ZNF791: variants seen among roughly 807,000 people sequenced by gnomAD.
ZNF791 encodes zinc finger protein 791.
In ZNF791, 4 loss-of-function variants were observed where a neutral mutation model predicts 11.5. That is an observed-to-expected ratio of 0.35 (90% CI 0.17 to 0.80). ZNF791 has a LOEUF of 0.80. Ranked by LOEUF, ZNF791 falls within the 30% of genes least tolerant of loss-of-function variation. The pLI is 0.53. For missense variants in ZNF791, 559 were observed against 699.4 expected, an observed-to-expected ratio of 0.80 and a Z score of 2.26; for synonymous variants, 212 against 228.1, an observed-to-expected ratio of 0.93 and a Z score of 0.64.
At chr19:12,626,049 G>C (rs536253120) in intron 3 of ZNF791, among the ~76,000 whole-genome samples, 3 of 151,814 alleles carry the variant, frequency 2.0e-5, no homozygotes, top group African/African-American at 7.3e-5. Context: ...ACGGAGTCTC[G>C]CTCTGTCACC....
At position 12,610,928 on chromosome 19, in the gene ZNF791, G is replaced by A; in HGVS notation, c.-152G>A. On this transcript the variant is annotated 5_prime_UTR_variant, in exon 1 of 4. Coordinates refer to ENST00000343325, the MANE Select transcript of ZNF791 (RefSeq NM_153358.3). Reference sequence around the variant, plus strand: ...GTACGGCTACGCTGCGCAAATGCGTGCTACGTCACTGTGCGATCGGGTTGT... The same window carrying A: ...GTACGGCTACGCTGCGCAAATGCGTACTACGTCACTGTGCGATCGGGTTGT... 1.8e-6 allele frequency: 2 copies of A among 1,108,384 alleles called. No homozygotes were observed. The highest frequency in any genetic ancestry group is 1.3e-5 in the South Asian group (1 of 74,476). 68.7% of individuals were successfully genotyped at this position (1,108,384 alleles called of 1,614,324 possible).
chr19:12,622,548 C>G (rs2023370046), intron 1 of ZNF791, among the ~76,000 whole-genome samples: 1 of 151,568 alleles, frequency 6.6e-6, no homozygotes, highest in African/African-American at 2.4e-5. Context: ...CTTTGGGAGG[C>G]CGGGGCAGGA....
intron 2 of ZNF791, 146 bp from the exon 3 acceptor site, chr19:12,624,504 A>G (rs2023398933): frequency 1.7e-6 from 1 of 599,190 alleles, no homozygotes; most frequent in African/African-American, 1.9e-5. Context: ...CTTGCTCATA[A>G]TCACTGTTCC....
intron 2 of ZNF791, 44 bp downstream of exon 2, chr19:12,623,870 TG>T (rs767345076): frequency 1.7e-5 from 12 of 715,322 alleles, no homozygotes; most frequent in South Asian, 6.3e-5. Context: ...TTTTTTTTTT[TG>T]GGGGGGGACA....
At position 12,620,529 on chromosome 19, in the gene ZNF791, C is replaced by T. The variant is rs78179633; in HGVS notation, c.4-3171C>T. 2.7e-3 allele frequency among the ~76,000 whole-genome samples: 417 copies of T among 152,096 alleles called. 1 individual carries two copies. The highest frequency in any genetic ancestry group is 9.6e-3 in the African/African-American group (397 of 41,494). On this transcript the variant is annotated intron_variant, in intron 1 of 3. Coordinates refer to ENST00000343325, the MANE Select transcript of ZNF791 (RefSeq NM_153358.3). The stretch of plus-strand genomic sequence containing the variant: ...TGTAAATAAACCTTACAGAGAGCAC[C>T]CAGGCATGCAGATGGACTTGTCACG...
chr19:12,618,513 A>G (rs935107622), intron 1 of ZNF791, among the ~76,000 whole-genome samples: 41 of 151,896 alleles, frequency 2.7e-4, no homozygotes, highest in Non-Finnish European at 4.0e-4. Context: ...CGTCTCAAAA[A>G]TAAAATAAAG....
In ZNF791 at chr19:12,624,707, T is replaced by C; in HGVS notation, c.188T>C (p.Leu63Pro). The C allele has an allele frequency of 1.6e-5, 26 of 1,605,500 alleles. No individual in the cohort carries two copies. The highest frequency in any genetic ancestry group is 2.2e-5 in the Non-Finnish European group (26 of 1,175,444). Residue 63 changes from leucine to proline, a missense_variant, in exon 3 of 4, where the codon CTA becomes CCA. Leu to Pro is a moderately conservative substitution (Grantham distance 98, BLOSUM62 -3). Coordinates refer to ENST00000343325, the MANE Select transcript of ZNF791 (RefSeq NM_153358.3). ...EDQHKNQGRN[L>P]RSHTGERLCE... ...CAACACAAAAACCAAGGACGAAATC[T>C]AAGGTGAGTTGCACTCACAAGAAGT...
At chr19:12,625,163 C>T (rs2023407675) in intron 3 of ZNF791, among the ~76,000 whole-genome samples, 1 of 151,840 alleles carries the variant, frequency 6.6e-6, no homozygotes, top group Non-Finnish European at 1.5e-5. Context: ...CTCTGTCACT[C>T]AGGCTGGAGT....
intron 1 of ZNF791, among the ~76,000 whole-genome samples, chr19:12,619,488 C>CG (rs1209235446): frequency 7.8e-6 from 1 of 127,694 alleles, no homozygotes; most frequent in Non-Finnish European, 1.6e-5. Flanking sequence ...CTCGATTTGT[C>CG]TCCCAGGCTG....
At chr19:12,615,012 CTTTTTTTTT>C (rs1180146927) in intron 1 of ZNF791, among the ~76,000 whole-genome samples, 2 of 49,882 alleles carry the variant, frequency 4.0e-5, no homozygotes, top group African/African-American at 9.5e-5. Context: ...CTATGTTCAA[CTTTTTTTTT>C]TTTTTTTTTT....
intron 2 of ZNF791, 50 bp downstream of exon 2, chr19:12,623,876 G>GTGGT: frequency 1.2e-6 from 1 of 833,968 alleles, no homozygotes; most frequent in African/African-American, 1.6e-5. Flanking sequence ...TTTTTGGGGG[G>GTGGT]GGACAGAGTT....
rs570780630 is a variant in ZNF791 at position 12,629,452 on chromosome 19, A to G, written c.*192A>G. On this transcript the variant is annotated 3_prime_UTR_variant, in exon 4 of 4. Coordinates refer to ENST00000343325, the MANE Select transcript of ZNF791 (RefSeq NM_153358.3). ...TCAGCAATGGACCATATAGGTTGGTAGCCCCATAAGATTATATAACACCTA... is the reference window on the plus strand; with the variant it reads ...TCAGCAATGGACCATATAGGTTGGTGGCCCCATAAGATTATATAACACCTA... 9.8e-5 allele frequency: 44 copies of G among 448,704 alleles called. No individual in the cohort carries two copies. The highest frequency in any genetic ancestry group is 6.0e-4 in the Middle Eastern group (1 of 1,674). The allele number at this position is 448,704 out of a possible 1,614,324, so 27.8% of individuals were successfully genotyped here.
At position 12,628,973 on chromosome 19, in the gene ZNF791, T is replaced by G; in HGVS notation, c.1444T>G (p.Tyr482Asp). 1.9e-6 allele frequency: 3 copies of G among 1,614,072 alleles called. No individual in the cohort carries two copies. The highest frequency in any genetic ancestry group is 2.5e-6 in the Non-Finnish European group (3 of 1,179,988). The change falls in exon 4 of 4, where the codon TAC (tyrosine) becomes GAC (aspartate). Residue 482 changes from tyrosine to aspartate, a missense_variant. Physicochemically the swap from Tyr to Asp is radical, Grantham distance 160 (BLOSUM62 -3). Coordinates refer to ENST00000343325, the MANE Select transcript of ZNF791 (RefSeq NM_153358.3). ...QCGKAFSCSSYIRIHKRTHTG... is the reference protein window; with the variant it reads ...QCGKAFSCSSDIRIHKRTHTG... ...TGGAAAAGCCTTTAGTTGTTCTAGT[T>G]ACATTCGGATACATAAAAGAACTCA...
intron 1 of ZNF791, among the ~76,000 whole-genome samples, chr19:12,614,073 T>C (rs1223193828): frequency 6.6e-6 from 1 of 152,142 alleles, no homozygotes; most frequent in Non-Finnish European, 1.5e-5. Flanking sequence ...CTCAATCTGG[T>C]TGAGAGTTTC....
intron 1 of ZNF791, among the ~76,000 whole-genome samples, chr19:12,614,889 G>A (rs1214060912): frequency 8.1e-4 from 19 of 23,574 alleles, no homozygotes; most frequent in African/African-American, 1.8e-3. Flanking sequence ...CACTGCGTCC[G>A]GCCTTTTTTT....
intron 1 of ZNF791, among the ~76,000 whole-genome samples, chr19:12,613,174 G>A (rs963477144): frequency 6.7e-5 from 10 of 148,348 alleles, no homozygotes; most frequent in Non-Finnish European, 1.3e-4. Context: ...TGGCCAGTCC[G>A]GTCTCGAACT....
intron 1 of ZNF791, among the ~76,000 whole-genome samples, chr19:12,619,671 G>T (rs1333613313): frequency 6.6e-6 from 1 of 151,202 alleles, no homozygotes; most frequent in African/African-American, 2.4e-5. Flanking sequence ...GGATGCTCTC[G>T]ATCTCCTGAC....
intron 1 of ZNF791, 155 bp from the exon 2 acceptor site, chr19:12,623,545 A>C: frequency 1.1e-6 from 1 of 884,610 alleles, no homozygotes; most frequent in Non-Finnish European, 1.8e-6. Flanking sequence ...TGTAGCTATA[A>C]GTTTATGTGT....
At chr19:12,612,143 T>A in intron 1 of ZNF791, 3 of 890,674 alleles carry the variant, frequency 3.4e-6, no homozygotes, top group Non-Finnish European at 4.0e-6. Flanking sequence ...AGCATTCAGA[T>A]AGAAGTAATA....
Sources: gnomAD v4.1 joint callset for allele counts (sites outside exome capture counted in the v4.1 genomes callset) on GRCh38, gnomAD v4.1.1 for gene constraint, MANE v1.5 for transcripts, NCBI Gene and HGNC (gene_info 2026-07-23, HGNC 2026-07-21) for gene names.